GALNT13: variants seen among roughly 807,000 people sequenced by gnomAD.
GALNT13 encodes the protein UDP-GalNAc:polypeptide N-acetylgalactosaminyltransferase 13.
In GALNT13, 28 loss-of-function variants were observed where a neutral mutation model predicts 64.2. The ratio of observed to expected loss-of-function variants is 0.44; its 90% CI spans 0.32 to 0.60. GALNT13 has a LOEUF of 0.60. GALNT13 is among the 20% of genes least tolerant of loss of function. The pLI is 0.05. For synonymous variants in GALNT13, 214 were observed against 224.6 expected (o/e 0.95, Z 0.42); for missense variants, 577 against 669.8 (o/e 0.86, Z 1.53).
At chr2:154,375,051 A>G (rs747639786) in intron 9 of GALNT13, among the ~76,000 whole-genome samples, 5 of 152,146 alleles carry the variant, frequency 3.3e-5, no homozygotes, top group African/African-American at 4.8e-5. Flanking sequence ...CAGTGGCGCA[A>G]TCTCGGCTCA....
At chr2:153,120,024 C>T in the GALNT13 span, among the ~76,000 whole-genome samples, 10 of 152,130 alleles carry the variant, frequency 6.6e-5, no homozygotes, top group African/African-American at 2.2e-4. Flanking sequence ...TCAACTAAGA[C>T]AGTGATGTTT....
the GALNT13 span, among the ~76,000 whole-genome samples, chr2:153,138,623 CTG>C: frequency 6.6e-6 from 1 of 152,046 alleles, no homozygotes; most frequent in African/African-American, 2.4e-5. Flanking sequence ...ACTATTTTGA[CTG>C]TGGATTTGGG....
At chr2:154,005,841 C>T (rs529462068) in intron 3 of GALNT13, among the ~76,000 whole-genome samples, 1 of 152,196 alleles carries the variant, frequency 6.6e-6, no homozygotes, top group East Asian at 1.9e-4. Flanking sequence ...CTAAGTATAA[C>T]AGTCAGAGAT....
chr2:154,298,757 C>CAATT lies in GALNT13; in HGVS notation c.976-2652_976-2651insAATT, dbSNP rs1559076191. On this transcript the variant is annotated intron_variant, in intron 8 of 12. Transcript: ENST00000392825. ...TATATAGTATATATAAATATATATA[C>CAATT]TATATATAAATTATATATTTATTTA... Among the ~76,000 whole-genome samples the CAATT allele has an allele frequency of 6.4e-4, 20 of 31,370 alleles. 4 individuals carry two copies. Among genetic ancestry groups the CAATT allele is most frequent in the African/African-American group, 1.4e-3 (14 of 9,872 alleles). 20.6% of individuals were successfully genotyped at this position (31,370 alleles called of 152,430 possible). A position where few individuals can be genotyped will look rare whatever the true frequency, so the allele number is the denominator to read the frequency against.
At chr2:153,662,436 A>G in the GALNT13 span, among the ~76,000 whole-genome samples, 1 of 152,170 alleles carries the variant, frequency 6.6e-6, no homozygotes, top group Admixed American at 6.6e-5. Context: ...CTCTGCAGGG[A>G]ACTTAGCCAG....
chr2:153,843,352 C>T, the GALNT13 span, among the ~76,000 whole-genome samples: 2 of 152,132 alleles, frequency 1.3e-5, no homozygotes, highest in African/African-American at 4.8e-5. Context: ...TTTAAATGAC[C>T]GGATGTTGTG....
At chr2:153,863,499 T>C in the GALNT13 span, among the ~76,000 whole-genome samples, 1 of 152,186 alleles carries the variant, frequency 6.6e-6, no homozygotes, top group East Asian at 1.9e-4. Flanking sequence ...TAAGACACAC[T>C]AGAAAATGCT....
the GALNT13 span, among the ~76,000 whole-genome samples, chr2:153,271,136 A>G: frequency 6.6e-6 from 1 of 152,300 alleles, no homozygotes; most frequent in South Asian, 2.1e-4. Flanking sequence ...AGTAAGAGCT[A>G]TTTATGACAA....
chr2:153,708,417 A>T, the GALNT13 span, among the ~76,000 whole-genome samples: 1 of 152,170 alleles, frequency 6.6e-6, no homozygotes, highest in African/African-American at 2.4e-5. Flanking sequence ...TGTTATACAG[A>T]ATAGTCATAA....
At chr2:153,630,802 TATA>T in the GALNT13 span, among the ~76,000 whole-genome samples, 22 of 13,098 alleles carry the variant, frequency 1.7e-3, no homozygotes, top group African/African-American at 3.9e-3. Flanking sequence ...TATATATATA[TATA>T]TATTTTTTTT....
the GALNT13 span, among the ~76,000 whole-genome samples, chr2:153,777,649 G>A: frequency 0.36 from 54,198 of 151,936 alleles, 10,213 homozygotes; most frequent in African/African-American, 0.43. Context: ...CCCTCGCAGG[G>A]TGTGCAATGG....
chr2:153,405,095 G>T, the GALNT13 span, among the ~76,000 whole-genome samples: 3 of 152,062 alleles, frequency 2.0e-5, no homozygotes, highest in Non-Finnish European at 4.4e-5. Context: ...CATAAGACTG[G>T]TAAGTTTCTC....
the GALNT13 span, among the ~76,000 whole-genome samples, chr2:153,433,569 A>C: frequency 6.6e-6 from 1 of 152,098 alleles, no homozygotes. Flanking sequence ...AAAGTTTCAG[A>C]CTTTAATAAT....
chr2:154,446,735 T>C (rs183998525), intron 12 of GALNT13: 1,220 of 1,541,096 alleles, frequency 7.9e-4, no homozygotes, highest in Non-Finnish European at 8.6e-4. Flanking sequence ...TTGGGAATTC[T>C]ACTGATTACA....
At chr2:153,595,275 CAAAGT>C in the GALNT13 span, among the ~76,000 whole-genome samples, 1 of 150,414 alleles carries the variant, frequency 6.6e-6, no homozygotes, top group African/African-American at 2.4e-5. Context: ...AAATCACACT[CAAAGT>C]AGATAATAGA....
the GALNT13 span, among the ~76,000 whole-genome samples, chr2:153,824,484 C>A: frequency 6.6e-6 from 1 of 152,094 alleles, no homozygotes; most frequent in Non-Finnish European, 1.5e-5. Flanking sequence ...CACATTTGTT[C>A]AGGGAGTTGT....
At chr2:154,279,952 G>A (rs1047747285) in intron 8 of GALNT13, among the ~76,000 whole-genome samples, 1 of 151,930 alleles carries the variant, frequency 6.6e-6, no homozygotes, top group African/African-American at 2.4e-5. Context: ...AAAAAAAAGT[G>A]CCTGTAAGAT....
chr2:153,364,310 C>T, the GALNT13 span, among the ~76,000 whole-genome samples: 1,254 of 152,122 alleles, frequency 8.2e-3, 17 homozygotes, highest in African/African-American at 0.027. Context: ...TGGAAGCATT[C>T]CCTCTGAAAA....
chr2:153,871,429 C>G (rs80185628), upstream of GALNT13, among the ~76,000 whole-genome samples: 12 of 152,218 alleles, frequency 7.9e-5, no homozygotes, highest in East Asian at 1.9e-3. Context: ...GCGTCAAGTA[C>G]CCCGCAGCAT....
Sources: allele counts gnomAD v4.1 joint callset (sites outside exome capture counted in the v4.1 genomes callset), GRCh38; gene constraint gnomAD v4.1.1; transcripts MANE v1.5; gene names NCBI Gene and HGNC (gene_info 2026-07-23, HGNC 2026-07-21).